The following LHFPL7 variants were observed in gnomAD, a reference collection of about 807,000 sequenced individuals.
LHFPL7 encodes LHFPL tetraspan subfamily member 7 protein.
At chr22:24,938,110 G>A in the LHFPL7 span, 1 of 1,519,098 alleles carries the variant, frequency 6.6e-7, no homozygotes, top group Admixed American at 1.9e-5. Context: ...CCATAAATAT[G>A]TCTAGAGCAC....
the LHFPL7 span, among the ~76,000 whole-genome samples, chr22:24,940,037 C>T: frequency 6.7e-6 from 1 of 148,682 alleles, no homozygotes; most frequent in Non-Finnish European, 1.5e-5. Flanking sequence ...ACGCCATTCT[C>T]CTGCCTCAGC....
chr22:24,940,224 C>T, the LHFPL7 span, among the ~76,000 whole-genome samples: 1 of 147,950 alleles, frequency 6.8e-6, no homozygotes, highest in African/African-American at 2.5e-5. Context: ...CCGCGCACGG[C>T]CTATTTATCC....
the LHFPL7 span, among the ~76,000 whole-genome samples, chr22:24,943,641 C>A: frequency 6.6e-6 from 1 of 152,182 alleles, no homozygotes; most frequent in Admixed American, 6.5e-5. Flanking sequence ...AGCCATAGAA[C>A]TGAGACTCAT....
the LHFPL7 span, chr22:24,939,298 C>A: frequency 1.4e-6 from 1 of 702,172 alleles, no homozygotes; most frequent in South Asian, 1.5e-5. Flanking sequence ...TTAAACGAGC[C>A]CCTGAAGACC....
At chr22:24,937,160 T>C in the LHFPL7 span, among the ~76,000 whole-genome samples, 1 of 152,120 alleles carries the variant, frequency 6.6e-6, no homozygotes, top group African/African-American at 2.4e-5. Context: ...ATGAAAAATA[T>C]AAAGCAAAGT....
At chr22:24,942,958 A>G in the LHFPL7 span, among the ~76,000 whole-genome samples, 1 of 150,768 alleles carries the variant, frequency 6.6e-6, no homozygotes, top group African/African-American at 2.4e-5. Context: ...AGGGGCAGAG[A>G]TAAACCTGGG....
the LHFPL7 span, among the ~76,000 whole-genome samples, chr22:24,943,509 C>T: frequency 6.6e-6 from 1 of 152,168 alleles, no homozygotes; most frequent in Non-Finnish European, 1.5e-5. Context: ...GGTCTAAGCA[C>T]TTGCATAGGT....
chr22:24,939,003 G>A, the LHFPL7 span, among the ~76,000 whole-genome samples: 1 of 152,186 alleles, frequency 6.6e-6, no homozygotes, highest in Non-Finnish European at 1.5e-5. Context: ...TTTGCACGAA[G>A]GTGCTACATT....
At chr22:24,941,609 T>G in the LHFPL7 span, among the ~76,000 whole-genome samples, 56 of 151,848 alleles carry the variant, frequency 3.7e-4, no homozygotes, top group African/African-American at 1.2e-3. Flanking sequence ...TTTGTTTTTT[T>G]TTTTTTTTTT....
the LHFPL7 span, among the ~76,000 whole-genome samples, chr22:24,942,059 G>A: frequency 1.3e-5 from 2 of 151,826 alleles, no homozygotes; most frequent in Non-Finnish European, 2.9e-5. Flanking sequence ...GCAGTGGCAC[G>A]ATCTCCATTC....
chr22:24,945,773 T>C, the LHFPL7 span, among the ~76,000 whole-genome samples: 122 of 152,340 alleles, frequency 8.0e-4, no homozygotes, highest in African/African-American at 2.8e-3. Flanking sequence ...GCAGGCCATG[T>C]CCAGGCTGAG....
the LHFPL7 span, chr22:24,939,321 G>A: frequency 1.3e-5 from 9 of 702,700 alleles, no homozygotes; most frequent in Admixed American, 1.0e-4. Context: ...GTGACTTGGT[G>A]AGCCAGCTCT....
chr22:24,943,119 T>G, the LHFPL7 span, among the ~76,000 whole-genome samples: 1 of 152,062 alleles, frequency 6.6e-6, no homozygotes, highest in African/African-American at 2.4e-5. Context: ...GTGTTTTCCC[T>G]ACACCAAAAT....
chr22:24,938,777 A>G, the LHFPL7 span, among the ~76,000 whole-genome samples: 1 of 152,064 alleles, frequency 6.6e-6, no homozygotes, highest in Non-Finnish European at 1.5e-5. Context: ...CCCATTGTTG[A>G]TTTTGGCAAT....
At chr22:24,945,033 C>T in the LHFPL7 span, among the ~76,000 whole-genome samples, 1 of 152,158 alleles carries the variant, frequency 6.6e-6, no homozygotes, top group African/African-American at 2.4e-5. Context: ...TGGTGTCGAT[C>T]TCTTGACCTT....
At chr22:24,935,131 C>G in the LHFPL7 span, 1 of 633,532 alleles carries the variant, frequency 1.6e-6, no homozygotes, top group East Asian at 2.9e-5. Context: ...CACAGAGCAT[C>G]TCCAGTGAAT....
At chr22:24,936,510 T>C in the LHFPL7 span, among the ~76,000 whole-genome samples, 1 of 152,146 alleles carries the variant, frequency 6.6e-6, no homozygotes, top group Admixed American at 6.5e-5. Flanking sequence ...ATCAAAACTG[T>C]TAGAGGTGCT....
the LHFPL7 span, chr22:24,935,134 CA>C: frequency 3.1e-6 from 2 of 642,896 alleles, no homozygotes; most frequent in Non-Finnish European, 5.2e-6. Flanking sequence ...AGAGCATCTC[CA>C]GTGAATTCTC....
the LHFPL7 span, among the ~76,000 whole-genome samples, chr22:24,940,544 C>T: frequency 6.6e-6 from 1 of 151,042 alleles, no homozygotes; most frequent in Admixed American, 6.6e-5. Context: ...TGCAGTGAGC[C>T]GAGATCGCAC....
Sources: allele counts gnomAD v4.1 joint callset (sites outside exome capture counted in the v4.1 genomes callset), GRCh38; gene constraint gnomAD v4.1.1; transcripts MANE v1.5; gene names NCBI Gene and HGNC (gene_info 2026-07-23, HGNC 2026-07-21).